The following RPRD2 variants were observed in gnomAD, a reference collection of about 807,000 sequenced individuals.
RPRD2 encodes the protein regulation of nuclear pre-mRNA domain-containing protein 2.
Under a neutral mutation model 104.4 loss-of-function variants are expected in RPRD2, and 12 were observed. The observed-to-expected ratio is 0.11, with a 90% CI of 0.07 to 0.19. The LOEUF (loss-of-function observed/expected upper bound fraction) is 0.19. Ranked by LOEUF, RPRD2 falls within the 10% of genes least tolerant of loss-of-function variation. The pLI is 1.00. For missense variants in RPRD2, 1,543 were observed against 1,790.1 expected (o/e 0.86, Z 2.49); for synonymous variants, 714 against 684.9 (o/e 1.04, Z -0.66).
At chr1:150,443,760 C>T (rs1666558343) in intron 5 of RPRD2, among the ~76,000 whole-genome samples, 1 of 151,918 alleles carries the variant, frequency 6.6e-6, no homozygotes, top group Admixed American at 6.6e-5. Context: ...AATCCCAGCA[C>T]TTTGGGAGGC....
intron 1 of RPRD2, among the ~76,000 whole-genome samples, chr1:150,385,433 C>T (rs1238981550): frequency 1.3e-5 from 2 of 152,198 alleles, no homozygotes; most frequent in African/African-American, 4.8e-5. Context: ...ATGATTGTGC[C>T]ACTGCACTCT....
intron 2 of RPRD2, among the ~76,000 whole-genome samples, chr1:150,431,433 T>C (rs1230705539): frequency 6.7e-6 from 1 of 150,140 alleles, no homozygotes; most frequent in African/African-American, 2.4e-5. Flanking sequence ...CAGTGTGATG[T>C]ATACAAACAT....
At chr1:150,424,361 C>G (rs782610549) in intron 2 of RPRD2, among the ~76,000 whole-genome samples, 1 of 151,998 alleles carries the variant, frequency 6.6e-6, no homozygotes, top group Non-Finnish European at 1.5e-5. Flanking sequence ...ACGATCTCGG[C>G]TCACTGCAAC....
Position 150,457,561 on chromosome 1 carries a change from A to G in RPRD2, c.1144A>G (p.Lys382Glu), listed in dbSNP as rs1418204008. 1 of 1,613,824 alleles carries G rather than the reference A, an allele frequency of 6.2e-7. No individual in the cohort carries two copies. Among genetic ancestry groups the G allele is most frequent in the Non-Finnish European group, 8.5e-7 (1 of 1,179,684 alleles). Residue 382 changes from lysine (K) to glutamate (E), a missense_variant, in exon 8 of 11, where the codon AAA (lysine) becomes GAA (glutamate). Around this residue, in one of 4 missense-constraint regions of RPRD2, gnomAD observed 572 missense variants for 787.3 expected, o/e 0.73. Coordinates refer to ENST00000369068, the MANE Select transcript of RPRD2 (RefSeq NM_015203.5). ...ELSDVEDDGS[K>E]IIVEDRKEKP... ...CTCAGATGTGGAAGATGATGGGTCA[A>G]AAATCATTGGTATGTCTTTATGTGA...
intron 1 of RPRD2, among the ~76,000 whole-genome samples, chr1:150,369,441 A>ATT (rs58054758): frequency 0.01 from 590 of 57,530 alleles, 37 homozygotes; most frequent in Middle Eastern, 0.03. Flanking sequence ...CACCTGGCTA[A>ATT]TTTTTTTTTT....
intron 9 of RPRD2, among the ~76,000 whole-genome samples, chr1:150,460,664 A>G (rs1464204326): frequency 2.0e-5 from 3 of 151,256 alleles, no homozygotes; most frequent in South Asian, 2.1e-4. Context: ...CGGCCTCCCA[A>G]AGTGCTGGGA....
At chr1:150,426,015 C>T (rs782181329) in intron 2 of RPRD2, among the ~76,000 whole-genome samples, 1 of 152,120 alleles carries the variant, frequency 6.6e-6, no homozygotes, top group Non-Finnish European at 1.5e-5. Context: ...GCAGGAGGAT[C>T]GCTTGAGCCT....
intron 1 of RPRD2, among the ~76,000 whole-genome samples, chr1:150,411,788 C>CAAAAAAAAAA (rs71086508): frequency 5.7e-5 from 4 of 70,730 alleles, no homozygotes; most frequent in African/African-American, 2.7e-4. Context: ...TAGACTGTCT[C>CAAAAAAAAAA]AAAAAAAAAA....
intron 1 of RPRD2, among the ~76,000 whole-genome samples, chr1:150,382,143 C>T (rs149003233): frequency 6.6e-5 from 10 of 152,160 alleles, no homozygotes; most frequent in South Asian, 4.2e-4. Flanking sequence ...TAAATTCTTC[C>T]GATTAATCCT....
chr1:150,451,969 C>T (rs941956416), intron 7 of RPRD2, among the ~76,000 whole-genome samples: 10 of 151,550 alleles, frequency 6.6e-5, no homozygotes, highest in South Asian at 2.1e-4. Context: ...GGTGAAACCC[C>T]GTCTATACTA....
intron 1 of RPRD2, among the ~76,000 whole-genome samples, chr1:150,371,182 G>T (rs1354671455): frequency 5.3e-5 from 8 of 152,150 alleles, no homozygotes; most frequent in Admixed American, 5.2e-4. Context: ...GAGATCCTTA[G>T]ATGGACCATG....
chr1:150,444,119 C>A, intron 5 of RPRD2, 132 bp from the exon 6 acceptor site: 1 of 828,768 alleles, frequency 1.2e-6, no homozygotes, highest in South Asian at 2.0e-5. Flanking sequence ...AAGTTTTTTT[C>A]CTCCCAGGGT....
In RPRD2 at chr1:150,390,606, G is replaced by A. The variant is rs1553882987; in HGVS notation, c.205+25687G>A. Among the ~76,000 whole-genome samples, 7 of 152,084 alleles carry A rather than the reference G, an allele frequency of 4.6e-5. 1 individual carries two copies. ...AACTCTTAGACAGTTATGCAAATTT[G>A]AAAAAGAACCAAAGAGAAATGTTAG... is the stretch of plus-strand genomic sequence containing the variant. On this transcript the variant is annotated intron_variant, in intron 1 of 10. Coordinates refer to ENST00000369068, the MANE Select transcript of RPRD2 (RefSeq NM_015203.5).
At chr1:150,381,260 CA>C (rs36036461) in intron 1 of RPRD2, among the ~76,000 whole-genome samples, 141 of 134,224 alleles carry the variant, frequency 1.1e-3, no homozygotes, top group Admixed American at 1.1e-3. Context: ...CCCATCTCTA[CA>C]AAAAAAAAAA....
At chr1:150,469,316 C>T (rs1369840911) in intron 10 of RPRD2, among the ~76,000 whole-genome samples, 1 of 152,138 alleles carries the variant, frequency 6.6e-6, no homozygotes, top group African/African-American at 2.4e-5. Context: ...CACTTTGCCA[C>T]CCAGGCTGGT....
At chr1:150,409,666 T>TTTTATTTG (rs1663750221) in intron 1 of RPRD2, among the ~76,000 whole-genome samples, 1 of 149,030 alleles carries the variant, frequency 6.7e-6, no homozygotes, top group Non-Finnish European at 1.5e-5. Context: ...TTTTTTTTTT[T>TTTTATTTG]GAGTCGGAGT....
In RPRD2 at chr1:150,444,325, G is replaced by A; in HGVS notation, c.642G>A (p.Leu214=). The A allele has an allele frequency of 6.2e-7, 1 of 1,613,918 alleles. No individual in the cohort carries two copies. The highest frequency in any genetic ancestry group is 2.2e-5 in the East Asian group (1 of 44,850). Residue 214 remains leucine, a synonymous_variant, in exon 6 of 11, where the codon TTG becomes TTA. Transcript: ENST00000369068. ...AGATAGAACTGAAGGAAAAGCAGTT[G>A]TCAACTATGAGGGTGGATGTGTGCA... ...EDQIELKEKQ[L]STMRVDVCST...
chr1:150,372,960 G>A (rs957525823), intron 1 of RPRD2, among the ~76,000 whole-genome samples: 2 of 151,910 alleles, frequency 1.3e-5, no homozygotes, highest in Non-Finnish European at 2.9e-5. Context: ...AAGGACTTTG[G>A]TTTTTATTCA....
rs1667596267 is a variant in RPRD2 at position 150,457,228 on chromosome 1, A to AG, written c.871-59dup. ...GACAAAGTGAGACTCTGCCTCAAAA[A>AG]GAAAAAATGTTAACTTTCTGGTCTT... On this transcript the variant is annotated intron_variant, in intron 7 of 10. Coordinates refer to ENST00000369068, the MANE Select transcript of RPRD2 (RefSeq NM_015203.5). 3 of 1,539,152 alleles carry AG rather than the reference A, an allele frequency of 1.9e-6. No individual in the cohort carries two copies. In the East Asian group the frequency reaches 6.7e-5, roughly 35 times the overall value.
Sources: allele counts gnomAD v4.1 joint callset (sites outside exome capture counted in the v4.1 genomes callset), GRCh38; gene constraint gnomAD v4.1.1; regional missense constraint gnomAD v4.1.1; transcripts MANE v1.5; gene names NCBI Gene and HGNC (gene_info 2026-07-23, HGNC 2026-07-21).